CPNE6: variants seen among roughly 807,000 people sequenced by gnomAD.
The protein encoded by CPNE6 is copine-6.
Under a neutral mutation model 71.5 loss-of-function variants are expected in CPNE6, and 33 were observed. That is an observed-to-expected ratio of 0.46 (90% CI 0.35 to 0.62). CPNE6 has a LOEUF of 0.62. Among genes scored for constraint, CPNE6 ranks in the 20% least tolerant of loss-of-function variants. The pLI is 0.00. For synonymous variants in CPNE6, 296 were observed against 293.0 expected (o/e 1.01, Z -0.10); for missense variants, 576 against 747.3 (o/e 0.77, Z 2.67).
At chr14:24,071,501 G>GCCGCCCC in intron 1 of CPNE6, 61 bp from the exon 1 acceptor site, 4 of 1,416,694 alleles carry the variant, frequency 2.8e-6, no homozygotes, top group Non-Finnish European at 2.8e-6. Context: ...CTGGTGCTGC[G>GCCGCCCC]CCCCCCCCCA....
chr14:24,071,875 T>C, intron 2 of CPNE6: 1 of 474,634 alleles, frequency 2.1e-6, no homozygotes, highest in Non-Finnish European at 3.7e-6. Context: ...AGGCACACAC[T>C]GTGGGGAGGT....
At position 24,075,954 on chromosome 14, in the gene CPNE6, C is replaced by A; in HGVS notation, c.924+68C>A. The stretch of plus-strand genomic sequence containing the variant: ...TGAGTCCATAGTGAAAGGAAGGAGC[C>A]CAGAATCTCCACTGCCCCAACTTGG... On this transcript the variant is annotated intron_variant, in intron 11 of 17. Transcript: ENST00000397016. This position sits in a 1 kb window ranked among gnomAD's most constrained non-coding sequence, Gnocchi z 4.3. 1 of 1,580,720 alleles carries A rather than the reference C, an allele frequency of 6.3e-7. No homozygotes were observed.
chr14:24,077,350 G>A lies in CPNE6; in HGVS notation c.1496G>A (p.Arg499Gln), dbSNP rs1293460154. The change falls in exon 16 of 18, where the codon CGA becomes CAA. Residue 499 changes from arginine (R) to glutamine (Q), a missense_variant. Physicochemically the swap from Arg to Gln is conservative, Grantham distance 43. This residue lies in a region of CPNE6 where 264 missense variants were observed against 339.9 expected (regional missense o/e 0.78). Transcript: ENST00000397016. The surrounding 1 kb of genome is among the most constrained non-coding windows in gnomAD (Gnocchi z 6.1). ...TGCCCCCGAGGGGTGCCTGCAGCCC[G>A]AGACATTGTCCAGTTCGTGCCCTTC... is the stretch of plus-strand genomic sequence containing the variant. 1.4e-5 allele frequency: 22 copies of A among 1,613,818 alleles called. No homozygotes were observed. Among genetic ancestry groups the A allele is most frequent in the Non-Finnish European group, 1.6e-5 (19 of 1,179,990 alleles).
Position 24,073,240 on chromosome 14 carries a change from T to A in CPNE6, c.168+136T>A. 1 of 1,030,034 alleles carries A rather than the reference T, an allele frequency of 9.7e-7. No individual in the cohort carries two copies. The highest frequency in any genetic ancestry group is 1.3e-6 in the Non-Finnish European group (1 of 755,744). The allele number at this position is 1,030,034 out of a possible 1,614,324, so 63.8% of individuals were successfully genotyped here. Reference sequence around the variant, plus strand: ...CCTTCTCGAGGCCGCTTGGGTACCCTGGAGATGGTGTCCCAGAGGGTCCTG... The same window carrying A: ...CCTTCTCGAGGCCGCTTGGGTACCCAGGAGATGGTGTCCCAGAGGGTCCTG... On this transcript the variant is annotated intron_variant, in intron 3 of 17. Coordinates refer to ENST00000397016, the Ensembl canonical transcript of CPNE6. This position sits in a 1 kb window ranked among gnomAD's most constrained non-coding sequence, Gnocchi z 5.5.
At position 24,077,583 on chromosome 14, in the gene CPNE6, C is replaced by T; in HGVS notation, c.1537-10C>T. The T allele has an allele frequency of 2.5e-6, 4 of 1,579,246 alleles. No homozygotes were observed. The highest frequency in any genetic ancestry group is 1.3e-5 in the African/African-American group (1 of 74,390). On this transcript the variant is annotated splice_polypyrimidine_tract_variant and intron_variant, in intron 16 of 17. Coordinates refer to ENST00000397016, the Ensembl canonical transcript of CPNE6. The surrounding 1 kb of genome is among the most constrained non-coding windows in gnomAD (Gnocchi z 6.1). ...TCTCACCCCTAACCACATCACTGTCCCCACCCTAGGCTGCCCCCTCTGCAC... is the reference window on the plus strand; with the variant it reads ...TCTCACCCCTAACCACATCACTGTCTCCACCCTAGGCTGCCCCCTCTGCAC...
chr14:24,072,811 G>A (rs938943655), intron 2 of CPNE6, 122 bp from the exon 2 acceptor site: 50 of 894,906 alleles, frequency 5.6e-5, no homozygotes, highest in Middle Eastern at 3.8e-4. Flanking sequence ...CAGGAGGTCC[G>A]TGAGGCCCCA....
At chr14:24,071,505 C>CCA in intron 1 of CPNE6, 57 bp from the exon 1 acceptor site, 1 of 1,097,372 alleles carries the variant, frequency 9.1e-7, no homozygotes, top group Non-Finnish European at 1.2e-6. Flanking sequence ...TGCTGCGCCC[C>CCA]CCCCCACCCC....
At chr14:24,076,587 C>T in intron 14 of CPNE6, 30 bp downstream of exon 13, 1 of 1,613,634 alleles carries the variant, frequency 6.2e-7, no homozygotes, top group Non-Finnish European at 8.5e-7. Context: ...CCTGCCCCGC[C>T]TCCCCGCAGA....
At chr14:24,071,102 C>G in intron 1 of CPNE6, 8 of 1,412,316 alleles carry the variant, frequency 5.7e-6, no homozygotes, top group Middle Eastern at 1.7e-4. Flanking sequence ...ATATCCTTAG[C>G]TAGTGTAACA....
chr14:24,076,304 G>A (rs1316056733), intron 12 of CPNE6, 22 bp downstream of exon 11: 1 of 1,614,132 alleles, frequency 6.2e-7, no homozygotes, highest in Non-Finnish European at 8.5e-7. Flanking sequence ...TGGGGCGGGA[G>A]GGAACAGGCA....
Position 24,075,576 on chromosome 14 carries a change from G to A in CPNE6, c.849G>A (p.Val283=), listed in dbSNP as rs1231338314. The change falls in exon 10 of 18, where the codon GTG becomes GTA. Residue 283 remains valine, a synonymous_variant. Transcript: ENST00000397016. The surrounding 1 kb of genome is among the most constrained non-coding windows in gnomAD (Gnocchi z 4.3). The stretch of plus-strand genomic sequence containing the variant: ...ATTACAAGAGCTCAGGGACGGTAGT[G>A]CTGGCCCAGTGCACGGTAAATTTCA... The A allele has an allele frequency of 1.2e-6, 2 of 1,611,342 alleles. No homozygotes were observed. Among genetic ancestry groups the A allele is most frequent in the African/African-American group, 2.7e-5 (2 of 74,848 alleles).
In CPNE6 at chr14:24,071,073, C is replaced by G. The variant is rs1004465497; in HGVS notation, c.-120+45C>G. 11 of 1,512,372 alleles carry G rather than the reference C, an allele frequency of 7.3e-6. No homozygotes were observed. The African/African-American group carries it at 1.2e-4, about 17-fold the overall frequency. 93.7% of individuals were successfully genotyped at this position (1,512,372 alleles called of 1,614,324 possible). A position where few individuals can be genotyped will look rare whatever the true frequency, so the allele number is the denominator to read the frequency against. ...TGTGTGACAAGGACAGCCCAGTGTT[C>G]CTGTATATGTGACTGCAGATATCCT... On this transcript the variant is annotated intron_variant, in intron 1 of 17. Transcript: ENST00000397016.
chr14:24,071,498 T>TGCGGG, intron 1 of CPNE6, 64 bp from the exon 1 acceptor site: 1 of 1,522,596 alleles, frequency 6.6e-7, no homozygotes, highest in Non-Finnish European at 8.8e-7. Flanking sequence ...GAGCTGGTGC[T>TGCGGG]GCGCCCCCCC....
intron 1 of CPNE6, chr14:24,071,073 C>A: frequency 6.6e-7 from 1 of 1,512,490 alleles, no homozygotes; most frequent in Non-Finnish European, 8.9e-7. Flanking sequence ...GCCCAGTGTT[C>A]CTGTATATGT....
At position 24,074,321 on chromosome 14, in the gene CPNE6, G is replaced by A. The variant is rs539888917; in HGVS notation, c.454G>A (p.Asp152Asn). 5 of 1,570,002 alleles carry A rather than the reference G, an allele frequency of 3.2e-6. No individual in the cohort carries two copies. Among genetic ancestry groups the A allele is most frequent in the South Asian group, 1.2e-5 (1 of 83,692 alleles). ...GGCCGAGGAGGTATCAGGCACAAAC[G>A]ACTATGTGCAACTCACCTTCAGAGC... Residue 152 changes from aspartate to asparagine, a missense_variant, in exon 6 of 18, where the codon GAC (aspartate) becomes AAC (asparagine). Around this residue, in one of 4 missense-constraint regions of CPNE6, gnomAD observed 214 missense variants for 291.2 expected, o/e 0.73. Coordinates refer to ENST00000397016, the Ensembl canonical transcript of CPNE6. This position sits in a 1 kb window ranked among gnomAD's most constrained non-coding sequence, Gnocchi z 4.5.
intron 1 of CPNE6, 62 bp from the exon 1 acceptor site, chr14:24,071,500 C>CGCGGG: frequency 6.8e-7 from 1 of 1,476,306 alleles, no homozygotes; most frequent in Non-Finnish European, 9.0e-7. Flanking sequence ...GCTGGTGCTG[C>CGCGGG]GCCCCCCCCC....
chr14:24,075,646 C>A lies in CPNE6; in HGVS notation c.864+55C>A. The A allele has an allele frequency of 2.0e-6, 3 of 1,481,536 alleles. No homozygotes were observed. Among genetic ancestry groups the A allele is most frequent in the Non-Finnish European group, 2.8e-6 (3 of 1,074,082 alleles). 91.8% of individuals were successfully genotyped at this position (1,481,536 alleles called of 1,614,324 possible). A position where few individuals can be genotyped will look rare whatever the true frequency, so the allele number is the denominator to read the frequency against. Reference sequence around the variant, plus strand: ...CCCCAGCCCCTGCCCCTACCACACTCTCAGGTTCAACCCTTCCCTTGTTTC... The same window carrying A: ...CCCCAGCCCCTGCCCCTACCACACTATCAGGTTCAACCCTTCCCTTGTTTC... On this transcript the variant is annotated intron_variant, in intron 10 of 17. Coordinates refer to ENST00000397016, the Ensembl canonical transcript of CPNE6. This position sits in a 1 kb window ranked among gnomAD's most constrained non-coding sequence, Gnocchi z 4.3.
In CPNE6 at chr14:24,075,558, G is replaced by A. The variant is rs1430341079; in HGVS notation, c.831G>A (p.Lys277=). The A allele has an allele frequency of 6.2e-7, 1 of 1,612,662 alleles. No individual in the cohort carries two copies. ...ATCGGGACAAGAAGAAGAATTACAA[G>A]AGCTCAGGGACGGTAGTGCTGGCCC... The change falls in exon 10 of 18, where the codon AAG becomes AAA. Residue 277 remains lysine, a synonymous_variant. Coordinates refer to ENST00000397016, the Ensembl canonical transcript of CPNE6. The surrounding 1 kb of genome is among the most constrained non-coding windows in gnomAD (Gnocchi z 4.3).
At position 24,077,673 on chromosome 14, in the gene CPNE6, C is replaced by G. The variant is rs763444118; in HGVS notation, c.1617C>G (p.Ile539Met). The change falls in exon 17 of 18, where the codon ATC (isoleucine) becomes ATG (methionine). Residue 539 changes from isoleucine (I) to methionine (M), a missense_variant. Physicochemically the swap from Ile to Met is conservative, Grantham distance 10 (BLOSUM62 1). Transcript: ENST00000397016. This position sits in a 1 kb window ranked among gnomAD's most constrained non-coding sequence, Gnocchi z 6.1. ...TGGAGTACTACGCCAGCCAGGGCAT[C>G]AGCCCTGGGGCTCCCAGGCCCTGCA... 2 of 1,592,592 alleles carry G rather than the reference C, an allele frequency of 1.3e-6. No individual in the cohort carries two copies. The highest frequency in any genetic ancestry group is 1.1e-5 in the South Asian group (1 of 87,806).
Sources: gnomAD v4.1 joint callset for allele counts on GRCh38, gnomAD v4.1.1 for gene constraint, gnomAD v4.1.1 regional missense constraint, Gnocchi (gnomAD v3.1) non-coding constraint, MANE v1.5 for transcripts, NCBI Gene and HGNC (gene_info 2026-07-23, HGNC 2026-07-21) for gene names.